Variants in DUOX1 observed in about 807,000 individuals in gnomAD.
DUOX1 encodes the protein dual oxidase 1, also known as NADPH thyroid oxidase 1.
DUOX1 carries 134 observed loss-of-function variants against 181.8 expected under a neutral mutation model. The observed-to-expected ratio is 0.74, with a 90% CI of 0.64 to 0.85. The LOEUF (loss-of-function observed/expected upper bound fraction) is 0.85, where lower values mean the gene tolerates loss of function less well. Among genes scored for constraint, DUOX1 ranks in the 40% least tolerant of loss-of-function variants. The pLI is 0.00. For missense variants in DUOX1, 1,814 were observed against 2,064.4 expected, an observed-to-expected ratio of 0.88 and a Z score of 2.35; for synonymous variants, 798 against 832.5, an observed-to-expected ratio of 0.96 and a Z score of 0.71.
Position 45,148,259 on chromosome 15 carries a change from C to A in DUOX1, c.2643-13C>A. Reference sequence around the variant, plus strand: ...CCAGTCAGGGCCGGATGGTTCCTCTCCCCCAACCCCAGATCCTTCATCGAG... The same window carrying A: ...CCAGTCAGGGCCGGATGGTTCCTCTACCCCAACCCCAGATCCTTCATCGAG... On this transcript the variant is annotated splice_polypyrimidine_tract_variant and intron_variant, in intron 20 of 33. Coordinates refer to ENST00000389037, the MANE Select transcript of DUOX1 (RefSeq NM_175940.3). 6.2e-7 allele frequency: 1 copy of A among 1,613,862 alleles called. No individual in the cohort carries two copies. The highest frequency in any genetic ancestry group is 8.5e-7 in the Non-Finnish European group (1 of 1,180,012).
At position 45,152,720 on chromosome 15, in the gene DUOX1, C is replaced by T. The variant is rs867373618; in HGVS notation, c.3424+204C>T. ...GTGCCTCTTCCCGCACTTTCCAGGG[C>T]GCCTCACCAGCCTCAGCTGACAAGT... On this transcript the variant is annotated intron_variant, in intron 25 of 33. Transcript: ENST00000389037. 16 of 609,508 alleles carry T rather than the reference C, an allele frequency of 2.6e-5. 1 individual carries two copies. Among genetic ancestry groups the T allele is most frequent in the Non-Finnish European group, 4.1e-5 (14 of 343,848 alleles). 37.8% of individuals were successfully genotyped at this position (609,508 alleles called of 1,614,324 possible). A position where few individuals can be genotyped will look rare whatever the true frequency, so the allele number is the denominator to read the frequency against.
In DUOX1 at chr15:45,152,221, C is replaced by T; in HGVS notation, c.3194-65C>T. On this transcript the variant is annotated intron_variant, in intron 24 of 33. Transcript: ENST00000389037. Reference sequence around the variant, plus strand: ...TGAGTGGCAGCCGGCCAGGGCCTACCGCCCCTAACCAGCTCTCTGTCCTCT... The same window carrying T: ...TGAGTGGCAGCCGGCCAGGGCCTACTGCCCCTAACCAGCTCTCTGTCCTCT... 2.7e-6 allele frequency: 4 copies of T among 1,500,114 alleles called. No individual in the cohort carries two copies. In the South Asian group the frequency reaches 5.0e-5, roughly 19 times the overall value. 92.9% of individuals were successfully genotyped at this position (1,500,114 alleles called of 1,614,324 possible).
chr15:45,150,388 G>A, intron 21 of DUOX1: 1 of 530,600 alleles, frequency 1.9e-6, no homozygotes, highest in Non-Finnish European at 3.4e-6. Context: ...ACTGATGATG[G>A]ACACACTTTA....
intron 21 of DUOX1, among the ~76,000 whole-genome samples, chr15:45,149,766 C>T (rs538840509): frequency 1.4e-3 from 206 of 152,274 alleles, no homozygotes; most frequent in Non-Finnish European, 3.4e-4. Context: ...GCACAAGAAT[C>T]GCTTGAACCA....
At chr15:45,151,093 G>C in intron 22 of DUOX1, 30 bp from the exon 23 acceptor site, 1 of 1,612,500 alleles carries the variant, frequency 6.2e-7, no homozygotes, top group Non-Finnish European at 8.5e-7. Flanking sequence ...GAGATGGCCA[G>C]CATCCTATCT....
chr15:45,139,288 T>C (rs1050836931), intron 11 of DUOX1, 120 bp downstream of exon 11: 26 of 1,596,960 alleles, frequency 1.6e-5, no homozygotes, highest in Non-Finnish European at 2.2e-5. Flanking sequence ...CTGCACTCAC[T>C]GATGAAAGAG....
chr15:45,138,886 G>A, intron 10 of DUOX1, 180 bp from the exon 11 acceptor site: 2 of 605,756 alleles, frequency 3.3e-6, no homozygotes, highest in Non-Finnish European at 5.8e-6. Context: ...CTGACAGAGG[G>A]GACACCCCTC....
Position 45,145,089 on chromosome 15 carries a change from A to C in DUOX1, c.2322+9A>C, listed in dbSNP as rs775962775. ...GGCACCTTTTCTCCCAGGTGTGTAC[A>C]TGGGACCAGATCAATCCTTATGCTG... On this transcript the variant is annotated intron_variant, in intron 18 of 33. Coordinates refer to ENST00000389037, the MANE Select transcript of DUOX1 (RefSeq NM_175940.3). The C allele has an allele frequency of 6.3e-7, 1 of 1,588,530 alleles. No individual in the cohort carries two copies.
intron 7 of DUOX1, 47 bp from the exon 8 acceptor site, chr15:45,136,303 C>T: frequency 6.2e-7 from 1 of 1,611,918 alleles, no homozygotes; most frequent in Non-Finnish European, 8.5e-7. Flanking sequence ...CTTCCAGGTC[C>T]CTCCCCATCC....
At chr15:45,157,481 A>G (rs1015083961) in intron 28 of DUOX1, among the ~76,000 whole-genome samples, 9 of 152,086 alleles carry the variant, frequency 5.9e-5, no homozygotes, top group African/African-American at 2.2e-4. Flanking sequence ...TGTAGGCATC[A>G]CTAGGATTCC....
intron 28 of DUOX1, among the ~76,000 whole-genome samples, chr15:45,158,234 C>G (rs913628349): frequency 6.6e-6 from 1 of 152,188 alleles, no homozygotes; most frequent in Non-Finnish European, 1.5e-5. Context: ...TTTGGATGCT[C>G]AGAAAGCCTT....
At chr15:45,152,795 TTA>T (rs1312936853) in intron 25 of DUOX1, 2 of 550,668 alleles carry the variant, frequency 3.6e-6, no homozygotes, top group Non-Finnish European at 6.5e-6. Flanking sequence ...CTCCCAATTT[TTA>T]TGTTTTAAAG....
rs1328215683 is a variant in DUOX1, at chr15:45,148,449, T to TG, written c.2818+6dup. ...GCTTCACGCAGCTCTGTGTCAAAGG[T>TG]GGGGCAGCCTGGTAGGCAGCACTGA... On this transcript the variant is annotated splice_region_variant and intron_variant, in intron 21 of 33. Transcript: ENST00000389037. 3 of 1,608,966 alleles carry TG rather than the reference T, an allele frequency of 1.9e-6. No homozygotes were observed. The African/African-American group carries it at 4.0e-5, about 21-fold the overall frequency.
intron 29 of DUOX1, 45 bp downstream of exon 29, chr15:45,161,035 G>T: frequency 1.2e-6 from 2 of 1,612,218 alleles, no homozygotes; most frequent in South Asian, 2.2e-5. Context: ...TGAGGGAGCT[G>T]ACCGGGCAGA....
At chr15:45,137,515 T>C (rs1190521916) in intron 9 of DUOX1, among the ~76,000 whole-genome samples, 1 of 152,108 alleles carries the variant, frequency 6.6e-6, no homozygotes, top group Non-Finnish European at 1.5e-5. Context: ...ATCTCTGGGG[T>C]ATGCCTGATG....
In DUOX1 at chr15:45,165,243, G is replaced by GT; in HGVS notation, c.*343dup. 3.2e-6 allele frequency: 1 copy of GT among 312,278 alleles called. No homozygotes were observed. Among genetic ancestry groups the GT allele is most frequent in the Non-Finnish European group, 5.9e-6 (1 of 168,082 alleles). The allele number at this position is 312,278 out of a possible 1,614,324, so 19.3% of individuals were successfully genotyped here. On this transcript the variant is annotated 3_prime_UTR_variant, in exon 34 of 34. Coordinates refer to ENST00000389037, the MANE Select transcript of DUOX1 (RefSeq NM_175940.3). ...ACAAGTACTATGTGTGTGCATGTCT[G>GT]TATGTGTGTTGGGGCGGTGAGTGTA...
intron 14 of DUOX1, 159 bp from the exon 15 acceptor site, chr15:45,141,816 G>T: frequency 1.5e-6 from 1 of 668,596 alleles, no homozygotes; most frequent in Non-Finnish European, 2.5e-6. Flanking sequence ...GATGGAGGTT[G>T]GGATTCATTT....
intron 27 of DUOX1, 28 bp downstream of exon 27, chr15:45,154,028 T>C (rs778147051): frequency 1.9e-6 from 3 of 1,609,216 alleles, no homozygotes; most frequent in African/African-American, 1.3e-5. Flanking sequence ...TCCATGAATT[T>C]CTGGACCTGA....
At position 45,151,113 on chromosome 15, in the gene DUOX1, C is replaced by T; in HGVS notation, c.2889-10C>T. 1 of 1,613,872 alleles carries T rather than the reference C, an allele frequency of 6.2e-7. No homozygotes were observed. Among genetic ancestry groups the T allele is most frequent in the Non-Finnish European group, 8.5e-7 (1 of 1,179,874 alleles). ...GGCCAGCATCCTATCTCTTACCATT[C>T]TTGTCTTAGTCCCTCTCCCAGAGTG... On this transcript the variant is annotated splice_polypyrimidine_tract_variant and intron_variant, in intron 22 of 33. Coordinates refer to ENST00000389037, the MANE Select transcript of DUOX1 (RefSeq NM_175940.3).
Sources: allele counts gnomAD v4.1 joint callset (sites outside exome capture counted in the v4.1 genomes callset), GRCh38; gene constraint gnomAD v4.1.1; transcripts MANE v1.5; gene names NCBI Gene and HGNC (gene_info 2026-07-23, HGNC 2026-07-21).